Variants in ELFN1 observed in about 807,000 individuals in gnomAD.
The protein encoded by ELFN1 is extracellular leucine rich repeat and fibronectin type III domain containing 1.
ELFN1 carries 6 observed loss-of-function variants against 7.6 expected under a neutral mutation model. That is an observed-to-expected ratio of 0.79 (90% CI 0.43 to 1.56). ELFN1 has a LOEUF of 1.56. ELFN1 is among the 40% of genes most tolerant of loss of function. ELFN1 has a pLI of 0.01. For missense variants in ELFN1, 1,169 were observed against 1,232.2 expected (o/e 0.95, Z 0.77); for synonymous variants, 657 against 588.1 (o/e 1.12, Z -1.70).
At position 1,673,094 on chromosome 7, in the gene ELFN1, C is replaced by CTT. The variant is rs33965894; in HGVS notation, c.-549+2740_-549+2741insTT. Among the ~76,000 whole-genome samples the CTT allele has an allele frequency of 1.7e-4, 5 of 29,662 alleles. No homozygotes were observed. The East Asian group carries it at 7.0e-3, about 42-fold the overall frequency. 19.5% of individuals were successfully genotyped at this position (29,662 alleles called of 152,430 possible). On this transcript the variant is annotated intron_variant, in intron 1 of 3. Coordinates refer to ENST00000424383, the MANE Select transcript of ELFN1 (RefSeq NM_001128636.4). This position sits in a 1 kb window ranked among gnomAD's most constrained non-coding sequence, Gnocchi z 4.7. ...TTGTCATCTCTCCAGCGCCCCCCCCCGCTCTTTCCTTTTTGTTTTTGTTGT... is the reference window on the plus strand; with the variant it reads ...TTGTCATCTCTCCAGCGCCCCCCCCCTTGCTCTTTCCTTTTTGTTTTTGTTGT...
chr7:1,745,242 G>A lies in ELFN1; in HGVS notation c.646G>A (p.Asp216Asn), dbSNP rs924523346. 16 of 1,540,664 alleles carry A rather than the reference G, an allele frequency of 1.0e-5. No homozygotes were observed. Among genetic ancestry groups the A allele is most frequent in the African/African-American group, 4.1e-5 (3 of 73,174 alleles). ...AAFTNATQTY[D>N]RMQCESPPVY... ...CTTCACCAACGCCACACAGACGTAC[G>A]ACCGCATGCAGTGCGAGTCGCCGCC... Residue 216 changes from aspartate to asparagine, a missense_variant, in exon 4 of 4, where the codon GAC becomes AAC. Coordinates refer to ENST00000424383, the MANE Select transcript of ELFN1 (RefSeq NM_001128636.4).
At chr7:1,700,659 A>C (rs1453209141) in intron 2 of ELFN1, among the ~76,000 whole-genome samples, 1 of 152,140 alleles carries the variant, frequency 6.6e-6, no homozygotes. Context: ...CCTGAGGTTT[A>C]CACCCCAGAG....
At position 1,740,104 on chromosome 7, in the gene ELFN1, G is replaced by C. The variant is rs1420917074; in HGVS notation, c.-293-4200G>C. ...CCAAGAAAGTGGTGTGGGCAGGATG[G>C]CATTGCAGAGGGCTGGAGGTATCAG... On this transcript the variant is annotated intron_variant, in intron 3 of 3. Transcript: ENST00000424383. This position sits in a 1 kb window ranked among gnomAD's most constrained non-coding sequence, Gnocchi z 5.0. Among the ~76,000 whole-genome samples the C allele has an allele frequency of 1.3e-5, 2 of 152,214 alleles. No homozygotes were observed. The highest frequency in any genetic ancestry group is 2.9e-5 in the Non-Finnish European group (2 of 68,028).
chr7:1,720,850 G>C (rs560441161), intron 3 of ELFN1, among the ~76,000 whole-genome samples: 4 of 151,592 alleles, frequency 2.6e-5, no homozygotes, highest in Non-Finnish European at 4.4e-5. Context: ...TAAATAGTGA[G>C]CATTAACTCA....
In ELFN1 at chr7:1,673,441, G is replaced by A. The variant is rs1233287554; in HGVS notation, c.-549+3087G>A. Among the ~76,000 whole-genome samples, 6 of 152,194 alleles carry A rather than the reference G, an allele frequency of 3.9e-5. No homozygotes were observed. Among genetic ancestry groups the A allele is most frequent in the Non-Finnish European group, 7.3e-5 (5 of 68,028 alleles). On this transcript the variant is annotated intron_variant, in intron 1 of 3. Coordinates refer to ENST00000424383, the MANE Select transcript of ELFN1 (RefSeq NM_001128636.4). The surrounding 1 kb of genome is among the most constrained non-coding windows in gnomAD (Gnocchi z 4.7). Reference sequence around the variant, plus strand: ...AGTCAGTGGCACCGACAGTAAACAGGAAGCAGGGTGGCAGCTATGGGCACT... The same window carrying A: ...AGTCAGTGGCACCGACAGTAAACAGAAAGCAGGGTGGCAGCTATGGGCACT...
chr7:1,724,341 C>T (rs1372375500), intron 3 of ELFN1, among the ~76,000 whole-genome samples: 1 of 152,168 alleles, frequency 6.6e-6, no homozygotes, highest in Admixed American at 6.5e-5. Flanking sequence ...AGTCAGCCCG[C>T]GTTGCCTTCT....
At chr7:1,669,887 T>G (rs1227747957), upstream of ELFN1, among the ~76,000 whole-genome samples, 1 of 68,478 alleles carries the variant, frequency 1.5e-5, no homozygotes, top group Non-Finnish European at 3.1e-5. Context: ...ACCCACCCCC[T>G]CCACCTTTTA....
chr7:1,666,379 G>T (rs1778671415), upstream of ELFN1, among the ~76,000 whole-genome samples: 1 of 151,984 alleles, frequency 6.6e-6, no homozygotes, highest in Non-Finnish European at 1.5e-5. This position sits in a 1 kb window ranked among gnomAD's most constrained non-coding sequence, Gnocchi z 7.9. Flanking sequence ...TCCGCGCCAG[G>T]GCCGAGTCTC....
rs1778812616 is a variant in ELFN1 at position 1,673,741 on chromosome 7, T to C, written c.-549+3387T>C. Among the ~76,000 whole-genome samples the C allele has an allele frequency of 1.3e-5, 2 of 152,136 alleles. No homozygotes were observed. Among genetic ancestry groups the C allele is most frequent in the African/African-American group, 4.8e-5 (2 of 41,404 alleles). On this transcript the variant is annotated intron_variant, in intron 1 of 3. Coordinates refer to ENST00000424383, the MANE Select transcript of ELFN1 (RefSeq NM_001128636.4). The surrounding 1 kb of genome is among the most constrained non-coding windows in gnomAD (Gnocchi z 4.7). ...GTCTCACAAATAAATGTGCCTCCTTTCCCTCGGAGATCAGCCGGTCCAGCC... is the reference window on the plus strand; with the variant it reads ...GTCTCACAAATAAATGTGCCTCCTTCCCCTCGGAGATCAGCCGGTCCAGCC...
In ELFN1 at chr7:1,705,188, G is replaced by A. The variant is rs1779505995; in HGVS notation, c.-455-3903G>A. ...GCCAAGGGGTGGGCAGCATGGAGGT[G>A]CAGGGTGGCAGGGACCCTGGGCGGG... is the stretch of plus-strand genomic sequence containing the variant. On this transcript the variant is annotated intron_variant, in intron 2 of 3. Transcript: ENST00000424383. The surrounding 1 kb of genome is among the most constrained non-coding windows in gnomAD (Gnocchi z 4.3). Among the ~76,000 whole-genome samples the A allele has an allele frequency of 6.6e-6, 1 of 152,160 alleles. No homozygotes were observed. The highest frequency in any genetic ancestry group is 2.1e-4 in the South Asian group (1 of 4,826).
Position 1,746,401 on chromosome 7 carries a change from C to G in ELFN1, c.1805C>G (p.Ser602Cys). ...GCGGAGCCGCCGCTGGTGCTGCTGT[C>G]CGAGCCGCTGGCCGCCAAGCACGGC... Reference protein sequence around the residue: ...SVAEPPLVLLSEPLAAKHGFL... With the variant: ...SVAEPPLVLLCEPLAAKHGFL... The change falls in exon 4 of 4, where the codon TCC becomes TGC. Residue 602 changes from serine (S) to cysteine (C), a missense_variant. This residue lies in a region of ELFN1 where 914 missense variants were observed against 872.6 expected (regional missense o/e 1.05). Coordinates refer to ENST00000424383, the MANE Select transcript of ELFN1 (RefSeq NM_001128636.4). The G allele has an allele frequency of 6.5e-7, 1 of 1,535,290 alleles. No individual in the cohort carries two copies. Among genetic ancestry groups the G allele is most frequent in the Non-Finnish European group, 8.8e-7 (1 of 1,142,442 alleles).
chr7:1,745,493 C>T lies in ELFN1; in HGVS notation c.897C>T (p.Gly299=). ...ATGATGAGTGCTTCTCCGGGGACGG[C>T]ACCACGCCACTGGTGGCCCTGCCCA... The part of the protein sequence containing the change: ...CADDECFSGD[G]TTPLVALPTL... The change falls in exon 4 of 4, where the codon GGC becomes GGT. Residue 299 remains glycine (G), a synonymous_variant. Coordinates refer to ENST00000424383, the MANE Select transcript of ELFN1 (RefSeq NM_001128636.4). 1.3e-6 allele frequency: 2 copies of T among 1,543,734 alleles called. No individual in the cohort carries two copies. Among genetic ancestry groups the T allele is most frequent in the Non-Finnish European group, 1.7e-6 (2 of 1,146,770 alleles).
intron 1 of ELFN1, among the ~76,000 whole-genome samples, chr7:1,675,360 C>T (rs527837739): frequency 2.0e-3 from 309 of 152,352 alleles, no homozygotes; most frequent in African/African-American, 6.5e-3. Flanking sequence ...GACAGGTGCA[C>T]ACCCCGGCAT....
intron 2 of ELFN1, among the ~76,000 whole-genome samples, chr7:1,708,853 G>C (rs549357832): frequency 8.3e-4 from 127 of 152,208 alleles, no homozygotes; most frequent in Middle Eastern, 3.2e-3. Context: ...TCTTGCATCT[G>C]CTGTTGGCTC....
At chr7:1,717,511 A>G (rs1445971339) in intron 3 of ELFN1, among the ~76,000 whole-genome samples, 1 of 152,164 alleles carries the variant, frequency 6.6e-6, no homozygotes, top group Non-Finnish European at 1.5e-5. Flanking sequence ...TGCTCCACTC[A>G]GAGGAAGGTG....
At chr7:1,725,203 A>G (rs560933246) in intron 3 of ELFN1, among the ~76,000 whole-genome samples, 1 of 152,354 alleles carries the variant, frequency 6.6e-6, no homozygotes, top group Admixed American at 6.5e-5. Context: ...TTTGGCCCAC[A>G]GCAGGGGCCA....
Position 1,725,000 on chromosome 7 carries a change from TGTGG to T in ELFN1, c.-294+15750_-294+15753del, listed in dbSNP as rs769855390. 4.1e-4 allele frequency among the ~76,000 whole-genome samples: 63 copies of T among 152,276 alleles called. No individual in the cohort carries two copies. The South Asian group carries it at 0.01, about 25-fold the overall frequency. ...CCGGGCATGGCCCTGGCGAGGCCCC[TGTGG>T]GGAGGGGCACAGCCCAGGAGGCAGA... is the stretch of plus-strand genomic sequence containing the variant. On this transcript the variant is annotated intron_variant, in intron 3 of 3. Coordinates refer to ENST00000424383, the MANE Select transcript of ELFN1 (RefSeq NM_001128636.4).
Position 1,731,164 on chromosome 7 carries a change from T to C in ELFN1, c.-293-13140T>C, listed in dbSNP as rs10216174. On this transcript the variant is annotated intron_variant, in intron 3 of 3. Transcript: ENST00000424383. ...CTCTCTAAAGTTATCCTGAGAGATA[T>C]CAAAGAAAACAAGAGTGGTGAGATG... 8.2e-3 allele frequency among the ~76,000 whole-genome samples: 1,243 copies of C among 152,290 alleles called. 16 individuals are homozygous for C. The highest frequency in any genetic ancestry group is 0.029 in the African/African-American group (1,189 of 41,550).
chr7:1,745,214 C>T lies in ELFN1; in HGVS notation c.618C>T (p.Ala206=), dbSNP rs779388231. 49 of 1,543,264 alleles carry T rather than the reference C, an allele frequency of 3.2e-5. No homozygotes were observed. The highest frequency in any genetic ancestry group is 5.9e-5 in the Admixed American group (3 of 50,986). ...TGCTGGGCTTCCTGCGCTGGCTGGC[C>T]GCCTTCACCAACGCCACACAGACGT... ...CELLGFLRWL[A]AFTNATQTYD... Residue 206 remains alanine (A), a synonymous_variant, in exon 4 of 4, where the codon GCC becomes GCT. Transcript: ENST00000424383.
Sources: allele counts gnomAD v4.1 joint callset (sites outside exome capture counted in the v4.1 genomes callset), GRCh38; gene constraint gnomAD v4.1.1; regional missense constraint gnomAD v4.1.1; non-coding constraint Gnocchi (gnomAD v3.1); transcripts MANE v1.5; gene names NCBI Gene and HGNC (gene_info 2026-07-23, HGNC 2026-07-21).